Variants in ADGRE2 observed in about 807,000 individuals in gnomAD.
ADGRE2 encodes the protein adhesion G protein-coupled receptor E2, also known as CD97 antigen.
A neutral mutation model predicts 100.8 loss-of-function variants in ADGRE2; 83 were observed. The observed-to-expected ratio is 0.82, with a 90% CI of 0.69 to 0.99. ADGRE2 has a LOEUF of 0.99. Among genes scored for constraint, ADGRE2 ranks in the 50% least tolerant of loss-of-function variants. The pLI is 0.00. For synonymous variants in ADGRE2, 355 were observed against 413.0 expected (o/e 0.86, Z 1.70); for missense variants, 814 against 1,035.7 (o/e 0.79, Z 2.94).
the ADGRE2 span, among the ~76,000 whole-genome samples, chr19:14,725,954 C>T: frequency 4.6e-3 from 696 of 152,252 alleles, 1 homozygote; most frequent in Non-Finnish European, 7.2e-3. Flanking sequence ...TGTGGGGGTA[C>T]GGGGGAATCC....
intron 11 of ADGRE2, among the ~76,000 whole-genome samples, chr19:14,763,366 AAAAC>A (rs987102399): frequency 2.6e-5 from 4 of 151,850 alleles, no homozygotes; most frequent in Admixed American, 1.3e-4. Flanking sequence ...AAAACAAAAC[AAAAC>A]AAACAAAAAC....
downstream of ADGRE2, among the ~76,000 whole-genome samples, chr19:14,727,572 T>TA (rs2042641855): frequency 6.6e-6 from 1 of 152,020 alleles, no homozygotes; most frequent in Admixed American, 6.6e-5. Context: ...AAGGGATTAC[T>TA]AAACCATTCA....
chr19:14,755,522 G>T, intron 13 of ADGRE2, 132 bp downstream of exon 13: 1 of 804,696 alleles, frequency 1.2e-6, no homozygotes, highest in Non-Finnish European at 2.1e-6. Flanking sequence ...AAGCCGGCTT[G>T]GGAAGGACTG....
intron 20 of ADGRE2, among the ~76,000 whole-genome samples, chr19:14,736,816 AGAAATATATAGATATTT>A (rs1568572933): frequency 2.1e-5 from 3 of 145,712 alleles, no homozygotes. Flanking sequence ...ATAGATATTT[AGAAATATATAGATATTT>A]AATATCTATA....
chr19:14,759,488 C>CATATATATATATATATATAT (rs147074153), intron 11 of ADGRE2, among the ~76,000 whole-genome samples: 13 of 133,584 alleles, frequency 9.7e-5, no homozygotes, highest in African/African-American at 3.1e-4. Flanking sequence ...ATAAGTTATA[C>CATATATATATATATATATAT]ATATATATAT....
rs372923957 is a variant in ADGRE2 at position 14,743,756 on chromosome 19, G to A, written c.2212C>T (p.Leu738=). The A allele has an allele frequency of 3.7e-5, 60 of 1,614,094 alleles. No individual in the cohort carries two copies. In the African/African-American group the frequency reaches 7.9e-4, roughly 21 times the overall value. The stretch of plus-strand genomic sequence containing the variant: ...CACCACGTGCAGCCCAGGATGAACA[G>A]CTGAGCTGTCGCTTTAAATGCCAGC... ...RMLAFKATAQ[L]FILGCTWCLG... Residue 738 remains leucine, a synonymous_variant, in exon 19 of 21, where the codon CTG becomes TTG. Transcript: ENST00000315576.
intron 16 of ADGRE2, among the ~76,000 whole-genome samples, chr19:14,748,596 C>T (rs1375859924): frequency 2.0e-5 from 3 of 152,146 alleles, no homozygotes; most frequent in South Asian, 2.1e-4. Flanking sequence ...TGTGAGCCAC[C>T]GCACCCGGCC....
At chr19:14,728,428 G>A (rs1263448940), downstream of ADGRE2, among the ~76,000 whole-genome samples, 1 of 152,106 alleles carries the variant, frequency 6.6e-6, no homozygotes, top group East Asian at 1.9e-4. Flanking sequence ...TCATCCCTGA[G>A]GTCTCTTCTG....
Position 14,754,997 on chromosome 19 carries a change from T to A in ADGRE2, c.1547A>T (p.His516Leu). Residue 516 changes from histidine (H) to leucine (L), a missense_variant, in exon 14 of 21, where the codon CAC becomes CTC. Physicochemically the swap from His to Leu is moderately conservative, Grantham distance 99. Coordinates refer to ENST00000315576, the MANE Select transcript of ADGRE2 (RefSeq NM_013447.4). ...RDTSTICRCT[H>L]LSSFAVLMAH... Reference sequence around the variant, plus strand: ...CATGAGGACGGCAAAGCTGCTCAGGTGGGTGCAACGGCAGATGGTGCTGGT... The same window carrying A: ...CATGAGGACGGCAAAGCTGCTCAGGAGGGTGCAACGGCAGATGGTGCTGGT... 1 of 1,614,022 alleles carries A rather than the reference T, an allele frequency of 6.2e-7. No homozygotes were observed. Among genetic ancestry groups the A allele is most frequent in the Admixed American group, 1.7e-5 (1 of 60,008 alleles).
intron 18 of ADGRE2, 66 bp downstream of exon 18, chr19:14,746,166 G>C: frequency 1.1e-6 from 1 of 951,316 alleles, no homozygotes; most frequent in Non-Finnish European, 1.7e-6. Context: ...TGGCTGCTGA[G>C]GCACATGGCT....
chr19:14,762,626 C>T (rs371971036), intron 11 of ADGRE2, among the ~76,000 whole-genome samples: 1 of 150,974 alleles, frequency 6.6e-6, no homozygotes, highest in Non-Finnish European at 1.5e-5. Flanking sequence ...AAAATTTTTT[C>T]TTATTTTTAT....
chr19:14,772,534 A>T (rs1446694167), intron 4 of ADGRE2, 37 bp from the exon 5 acceptor site: 1 of 1,610,232 alleles, frequency 6.2e-7, no homozygotes. Context: ...TCTCCCAAAG[A>T]TGTGAGTTCC....
intron 16 of ADGRE2, 69 bp downstream of exon 16, chr19:14,751,367 G>A: frequency 2.5e-6 from 3 of 1,178,128 alleles, no homozygotes; most frequent in Non-Finnish European, 3.8e-6. Flanking sequence ...TCATAAAAAT[G>A]CTATCTAGGT....
intron 5 of ADGRE2, chr19:14,772,100 T>C (rs1385607164): frequency 5.3e-6 from 3 of 563,224 alleles, no homozygotes; most frequent in Non-Finnish European, 9.5e-6. Flanking sequence ...GTAATATCAT[T>C]TAGGTAACAG....
rs1046913607 is a variant in ADGRE2, at chr19:14,732,485, C to T, written c.*3751G>A. ...TCTCTGAGGTGTGTCTGTATGTGCT[C>T]ATCACATATGTGATGAATGGATGAA... On this transcript the variant is annotated 3_prime_UTR_variant, in exon 21 of 21. Coordinates refer to ENST00000315576, the MANE Select transcript of ADGRE2 (RefSeq NM_013447.4). 5.9e-5 allele frequency: 9 copies of T among 152,102 alleles called. No individual in the cohort carries two copies. The highest frequency in any genetic ancestry group is 1.9e-4 in the African/African-American group (8 of 41,392). The allele number at this position is 152,102 out of a possible 1,614,324, so 9.4% of individuals were successfully genotyped here. A position where few individuals can be genotyped will look rare whatever the true frequency, so the allele number is the denominator to read the frequency against.
intron 5 of ADGRE2, among the ~76,000 whole-genome samples, chr19:14,769,219 C>T (rs982223901): frequency 1.3e-5 from 1 of 77,498 alleles, no homozygotes; most frequent in Non-Finnish European, 2.6e-5. Flanking sequence ...GTGAGACACC[C>T]CCCCCCCATC....
rs1450351809 is a variant in ADGRE2, at chr19:14,751,927, ATATATT to A, written c.1789-262_1789-257del. On this transcript the variant is annotated intron_variant, in intron 15 of 20. Coordinates refer to ENST00000315576, the MANE Select transcript of ADGRE2 (RefSeq NM_013447.4). Reference sequence around the variant, plus strand: ...CACACACACACATATATATATATATATATATTTTTTTTTTTTTTTTTTTGAGACGGA... The same window carrying A: ...CACACACACACATATATATATATATATTTTTTTTTTTTTTTTTGAGACGGA... Among the ~76,000 whole-genome samples the A allele has an allele frequency of 8.6e-3, 657 of 76,020 alleles. 1 individual carries two copies. The highest frequency in any genetic ancestry group is 0.011 in the Non-Finnish European group (460 of 43,482). The allele number at this position is 76,020 out of a possible 152,430, so 49.9% of individuals were successfully genotyped here. A position where few individuals can be genotyped will look rare whatever the true frequency, so the allele number is the denominator to read the frequency against.
chr19:14,731,279 A>G (rs2042669141), downstream of ADGRE2: 1 of 1,269,678 alleles, frequency 7.9e-7, no homozygotes, highest in Admixed American at 2.0e-5. Context: ...TGGGGCTTGA[A>G]GACTCCAAAT....
intron 15 of ADGRE2, 110 bp downstream of exon 15, chr19:14,752,219 C>T: frequency 2.2e-6 from 3 of 1,376,424 alleles, no homozygotes; most frequent in Middle Eastern, 1.8e-4. Context: ...AGGCATGAGC[C>T]ACCACGCCCA....
Sources: gnomAD v4.1 joint callset for allele counts (sites outside exome capture counted in the v4.1 genomes callset) on GRCh38, gnomAD v4.1.1 for gene constraint, MANE v1.5 for transcripts, NCBI Gene and HGNC (gene_info 2026-07-23, HGNC 2026-07-21) for gene names.